CDKL3: variants seen among roughly 807,000 people sequenced by gnomAD.
The protein encoded by CDKL3 is cyclin-dependent kinase-like 3.
CDKL3 carries 65 observed loss-of-function variants against 69.3 expected under a neutral mutation model. That is an observed-to-expected ratio of 0.94 (90% CI 0.77 to 1.15). The LOEUF (loss-of-function observed/expected upper bound fraction) is 1.15. CDKL3 is among the 50% of genes most tolerant of loss of function. CDKL3 has a pLI of 0.00. For missense variants in CDKL3, 652 were observed against 689.2 expected (o/e 0.95, Z 0.61); for synonymous variants, 202 against 221.6 (o/e 0.91, Z 0.79).
chr5:134,319,793 T>C (rs1360005801), intron 5 of CDKL3, among the ~76,000 whole-genome samples: 1 of 152,226 alleles, frequency 6.6e-6, no homozygotes, highest in Admixed American at 6.5e-5. Flanking sequence ...AAAATGCATA[T>C]TCCAACTTTT....
At chr5:134,364,076 A>G (rs1475729303) in intron 2 of CDKL3, among the ~76,000 whole-genome samples, 1 of 152,176 alleles carries the variant, frequency 6.6e-6, no homozygotes, top group Non-Finnish European at 1.5e-5. Context: ...AAACAAGAAC[A>G]TCTGCTGCAT....
intron 4 of CDKL3, among the ~76,000 whole-genome samples, chr5:134,333,280 C>T (rs1318481363): frequency 6.6e-6 from 1 of 152,192 alleles, no homozygotes; most frequent in Non-Finnish European, 1.5e-5. Flanking sequence ...ATTTGACTCC[C>T]TCTTTTCCTA....
At chr5:134,308,996 C>T (rs747605114) in intron 7 of CDKL3, among the ~76,000 whole-genome samples, 5 of 152,204 alleles carry the variant, frequency 3.3e-5, no homozygotes, top group Non-Finnish European at 5.9e-5. Context: ...TTCTGCGATG[C>T]AAACTTTACT....
At chr5:134,363,438 C>A (rs913110463) in intron 2 of CDKL3, among the ~76,000 whole-genome samples, 3 of 151,138 alleles carry the variant, frequency 2.0e-5, no homozygotes, top group Admixed American at 2.0e-4. Flanking sequence ...GGATTACAGG[C>A]CCCTGCCACC....
At chr5:134,366,334 G>A (rs1293785898) in intron 2 of CDKL3, 25 bp downstream of exon 2, 7 of 1,507,378 alleles carry the variant, frequency 4.6e-6, no homozygotes, top group Non-Finnish European at 6.2e-6. Context: ...TTTTGACTTA[G>A]ATGATTAAGG....
chr5:134,326,521 T>G (rs1231225217), intron 4 of CDKL3, among the ~76,000 whole-genome samples: 1 of 151,866 alleles, frequency 6.6e-6, no homozygotes, highest in African/African-American at 2.4e-5. Flanking sequence ...CCAAAAAAGC[T>G]TAGGTCTAAC....
intron 6 of CDKL3, among the ~76,000 whole-genome samples, chr5:134,314,644 A>G (rs1435194069): frequency 6.6e-6 from 1 of 152,248 alleles, no homozygotes; most frequent in Non-Finnish European, 1.5e-5. Flanking sequence ...TTGCTGATAC[A>G]TACAAAAACA....
chr5:134,301,583 TA>T (rs57428442), intron 12 of CDKL3, among the ~76,000 whole-genome samples: 21,301 of 151,992 alleles, frequency 0.14, 1,834 homozygotes, highest in African/African-American at 0.23. Context: ...TTTTATTTTT[TA>T]AAAAAACAGA....
rs774982832 is a variant in CDKL3 at position 134,308,713 on chromosome 5, A to C, written c.896T>G (p.Leu299Arg). Residue 299 changes from leucine to arginine, a missense_variant, in exon 8 of 13, where the codon CTG becomes CGG. Leu to Arg is a moderately radical substitution (Grantham distance 102). Coordinates refer to ENST00000265334, the MANE Select transcript of CDKL3 (RefSeq NM_001113575.2). Reference protein sequence around the residue: ...DGFIEKFMPELKAKLLQEAKV... With the variant: ...DGFIEKFMPERKAKLLQEAKV... ...TGCTTCCTGCAGTAATTTAGCTTTC[A>C]GTTCTGGCATGAATCTGACAAAACA... 1 of 1,592,268 alleles carries C rather than the reference A, an allele frequency of 6.3e-7. No individual in the cohort carries two copies. The highest frequency in any genetic ancestry group is 8.5e-7 in the Non-Finnish European group (1 of 1,174,538).
chr5:134,327,249 T>C (rs144860532), intron 4 of CDKL3, among the ~76,000 whole-genome samples: 217 of 152,188 alleles, frequency 1.4e-3, no homozygotes, highest in Non-Finnish European at 2.2e-3. Flanking sequence ...GGGGCCCAAA[T>C]TGCACTTGCC....
downstream of CDKL3, chr5:134,298,216 G>C: frequency 4.1e-6 from 4 of 978,320 alleles, no homozygotes; most frequent in Non-Finnish European, 4.9e-6. Context: ...TTACAGGCAT[G>C]AGCCATTGCA....
intron 3 of CDKL3, among the ~76,000 whole-genome samples, chr5:134,355,165 G>A (rs1443323275): frequency 5.3e-5 from 8 of 150,910 alleles, no homozygotes; most frequent in South Asian, 4.2e-4. Context: ...CCTGGGAGGC[G>A]GAGGTTGCAG....
intron 3 of CDKL3, among the ~76,000 whole-genome samples, chr5:134,359,532 T>C (rs1366280664): frequency 2.6e-5 from 4 of 152,166 alleles, no homozygotes; most frequent in Non-Finnish European, 5.9e-5. Flanking sequence ...AGGCGGAGTC[T>C]TGCTAAACCT....
intron 2 of CDKL3, among the ~76,000 whole-genome samples, chr5:134,361,720 A>G (rs985820720): frequency 6.6e-6 from 1 of 152,212 alleles, no homozygotes; most frequent in Admixed American, 6.5e-5. Context: ...CCTGGTCAAC[A>G]TGGTGAAACA....
chr5:134,371,515 G>C, upstream of CDKL3: 1 of 1,540,416 alleles, frequency 6.5e-7, no homozygotes, highest in Non-Finnish European at 8.8e-7. Context: ...GATCCACAGT[G>C]ATTCGGCCGC....
At chr5:134,349,635 C>T (rs1001951241) in intron 4 of CDKL3, among the ~76,000 whole-genome samples, 11 of 152,114 alleles carry the variant, frequency 7.2e-5, no homozygotes, top group African/African-American at 2.7e-4. Context: ...GGGAACTCTG[C>T]CGAGGGCATG....
chr5:134,346,136 T>G (rs1167139704), intron 4 of CDKL3, among the ~76,000 whole-genome samples: 1 of 152,194 alleles, frequency 6.6e-6, no homozygotes, highest in African/African-American at 2.4e-5. Context: ...GGTCACTCTC[T>G]GATCCACCTC....
At chr5:134,298,845 G>A in intron 12 of CDKL3, 135 bp from the exon 13 acceptor site, 6 of 1,177,238 alleles carry the variant, frequency 5.1e-6, no homozygotes, top group Non-Finnish European at 5.9e-6. Context: ...CAAAAGATTT[G>A]CTTCAATGCC....
At chr5:134,371,215 T>A, upstream of CDKL3, 5 of 292,736 alleles carry the variant, frequency 1.7e-5, no homozygotes, top group South Asian at 1.7e-4. Context: ...CCTAAACTAG[T>A]GACGGGGAGG....
Sources: gnomAD v4.1 joint callset for allele counts (sites outside exome capture counted in the v4.1 genomes callset) on GRCh38, gnomAD v4.1.1 for gene constraint, MANE v1.5 for transcripts, NCBI Gene and HGNC (gene_info 2026-07-23, HGNC 2026-07-21) for gene names.